GALNT2: variants seen among roughly 807,000 people sequenced by gnomAD.
The protein encoded by GALNT2 is UDP-GalNAc:polypeptide N-acetylgalactosaminyltransferase 2.
A neutral mutation model predicts 81.4 loss-of-function variants in GALNT2; 31 were observed. The observed-to-expected ratio is 0.38, with a 90% CI of 0.29 to 0.51. The LOEUF (loss-of-function observed/expected upper bound fraction) is 0.51. GALNT2 is among the 20% of genes least tolerant of loss of function. The pLI, the probability that GALNT2 is intolerant of heterozygous loss-of-function variation, is 0.87. For synonymous variants in GALNT2, 303 were observed against 287.4 expected, an observed-to-expected ratio of 1.05 and a Z score of -0.55; for missense variants, 629 against 765.7, an observed-to-expected ratio of 0.82 and a Z score of 2.11.
At chr1:230,178,103 C>G (rs1663042732) in intron 1 of GALNT2, 115 bp from the exon 2 acceptor site, 1 of 696,126 alleles carries the variant, frequency 1.4e-6, no homozygotes. Context: ...TCCTGCTCAT[C>G]AGTGCATCCC....
At chr1:230,095,715 G>A (rs757068220) in intron 1 of GALNT2, among the ~76,000 whole-genome samples, 6 of 152,236 alleles carry the variant, frequency 3.9e-5, no homozygotes, top group Admixed American at 2.6e-4. Context: ...GTAGACTGCT[G>A]TGGATGTGAC....
At chr1:230,118,025 C>T (rs1051682676) in intron 1 of GALNT2, among the ~76,000 whole-genome samples, 2 of 152,206 alleles carry the variant, frequency 1.3e-5, no homozygotes, top group African/African-American at 4.8e-5. Flanking sequence ...CTCCCAACCC[C>T]GATAACCACT....
chr1:230,092,886 T>C (rs1660137403), intron 1 of GALNT2, among the ~76,000 whole-genome samples: 1 of 152,054 alleles, frequency 6.6e-6, no homozygotes, highest in African/African-American at 2.4e-5. Flanking sequence ...AAAAAAGAAG[T>C]GGATGGAGAA....
chr1:230,089,521 T>C (rs538572943), intron 1 of GALNT2, among the ~76,000 whole-genome samples: 46 of 152,244 alleles, frequency 3.0e-4, no homozygotes, highest in Middle Eastern at 3.4e-3. Flanking sequence ...TTAGAACTCT[T>C]TTCATCTAGC....
At chr1:230,181,611 ACTC>A (rs1663163167) in intron 2 of GALNT2, among the ~76,000 whole-genome samples, 1 of 148,804 alleles carries the variant, frequency 6.7e-6, no homozygotes, top group South Asian at 2.1e-4. Context: ...CTGATCTTGA[ACTC>A]CTGACCCCAG....
At chr1:230,244,950 C>T (rs1219866501) in intron 7 of GALNT2, among the ~76,000 whole-genome samples, 3 of 152,160 alleles carry the variant, frequency 2.0e-5, no homozygotes, top group African/African-American at 7.2e-5. Context: ...CTAAATCTTT[C>T]TTCTGGCTAA....
rs113224600 is a variant in GALNT2 at position 230,090,206 on chromosome 1, A to G, written c.126+22800A>G. 3.6e-3 allele frequency among the ~76,000 whole-genome samples: 555 copies of G among 152,356 alleles called. 5 individuals are homozygous for G. The highest frequency in any genetic ancestry group is 0.013 in the African/African-American group (524 of 41,574). On this transcript the variant is annotated intron_variant, in intron 1 of 15. Transcript: ENST00000366672. ...ATAGAATGAATGTAATTTCCAAGGAAAAATAATCCCAGGCAACCTCTTCTG... is the reference window on the plus strand; with the variant it reads ...ATAGAATGAATGTAATTTCCAAGGAGAAATAATCCCAGGCAACCTCTTCTG...
At chr1:230,139,484 ACTC>A (rs891154126) in intron 1 of GALNT2, among the ~76,000 whole-genome samples, 3 of 151,578 alleles carry the variant, frequency 2.0e-5, no homozygotes, top group East Asian at 3.9e-4. Flanking sequence ...GCAACGCCTC[ACTC>A]CTCCTGCCCC....
chr1:230,108,364 C>T (rs1429645510), intron 1 of GALNT2, among the ~76,000 whole-genome samples: 2 of 152,216 alleles, frequency 1.3e-5, no homozygotes, highest in African/African-American at 4.8e-5. Flanking sequence ...ACGTTCAGTA[C>T]GTTCCTCAAT....
chr1:230,250,332 T>C, intron 9 of GALNT2, 125 bp from the exon 10 acceptor site: 1 of 712,936 alleles, frequency 1.4e-6, no homozygotes, highest in South Asian at 1.6e-5. Context: ...ACAGTGGCAG[T>C]GTGGCTGTTC....
chr1:230,112,601 G>T (rs1298595433), intron 1 of GALNT2, among the ~76,000 whole-genome samples: 1 of 152,206 alleles, frequency 6.6e-6, no homozygotes, highest in Non-Finnish European at 1.5e-5. Context: ...CCCTTGCTGA[G>T]CTGTGATTCG....
intron 2 of GALNT2, among the ~76,000 whole-genome samples, chr1:230,200,759 G>A (rs1663867584): frequency 6.6e-6 from 1 of 152,218 alleles, no homozygotes; most frequent in Non-Finnish European, 1.5e-5. Context: ...AAGCAAGTAG[G>A]CTGTAAGCAG....
At chr1:230,240,916 C>A (rs1665181532) in intron 6 of GALNT2, among the ~76,000 whole-genome samples, 2 of 152,048 alleles carry the variant, frequency 1.3e-5, no homozygotes, top group Admixed American at 6.5e-5. Flanking sequence ...TTTCTCTGTC[C>A]ACCAGATGGA....
intron 11 of GALNT2, among the ~76,000 whole-genome samples, chr1:230,258,228 T>C (rs1665773706): frequency 1.3e-5 from 2 of 150,782 alleles, no homozygotes. Flanking sequence ...TTTAAACTTT[T>C]TGGTTTTTTT....
Position 230,098,364 on chromosome 1 carries a change from T to C in GALNT2, c.126+30958T>C, listed in dbSNP as rs543188775. ...TTTTAGAATGCATGCATGTGAATTG[T>C]GTAGTGCAGAGATTTGCTATATCCA... On this transcript the variant is annotated intron_variant, in intron 1 of 15. Coordinates refer to ENST00000366672, the MANE Select transcript of GALNT2 (RefSeq NM_004481.5). Among the ~76,000 whole-genome samples the C allele has an allele frequency of 2.6e-5, 4 of 152,206 alleles. No individual in the cohort carries two copies. The South Asian group carries it at 6.2e-4, about 24-fold the overall frequency.
intron 1 of GALNT2, among the ~76,000 whole-genome samples, chr1:230,116,760 C>A (rs556568180): frequency 6.6e-6 from 1 of 152,082 alleles, no homozygotes; most frequent in Non-Finnish European, 1.5e-5. Flanking sequence ...TTCAGTAAAC[C>A]GTGCTGTAAA....
At chr1:230,120,408 G>A (rs1051324934) in intron 1 of GALNT2, among the ~76,000 whole-genome samples, 2 of 152,098 alleles carry the variant, frequency 1.3e-5, no homozygotes, top group Non-Finnish European at 2.9e-5. Flanking sequence ...GGCTCTTCCC[G>A]AGAAGAGGGC....
chr1:230,119,952 G>C (rs912775955), intron 1 of GALNT2, among the ~76,000 whole-genome samples: 5 of 152,090 alleles, frequency 3.3e-5, no homozygotes, highest in Non-Finnish European at 5.9e-5. Flanking sequence ...GATTCCCGGG[G>C]TCACATTGTC....
At chr1:230,221,175 T>C (rs1404734725) in intron 3 of GALNT2, among the ~76,000 whole-genome samples, 1 of 126,310 alleles carries the variant, frequency 7.9e-6, no homozygotes, top group Non-Finnish European at 1.5e-5. Context: ...CCTGCCTACT[T>C]TTTTTTCATT....
Sources: allele counts gnomAD v4.1 joint callset (sites outside exome capture counted in the v4.1 genomes callset), GRCh38; gene constraint gnomAD v4.1.1; transcripts MANE v1.5; gene names NCBI Gene and HGNC (gene_info 2026-07-23, HGNC 2026-07-21).